The following OVCH1 variants were observed in gnomAD, a reference collection of about 807,000 sequenced individuals.
OVCH1 encodes ovochymase-1.
In OVCH1, 139 loss-of-function variants were observed where a neutral mutation model predicts 138.4. That is an observed-to-expected ratio of 1.00 (90% CI 0.87 to 1.16). OVCH1 has a LOEUF of 1.16. Among genes scored for constraint, OVCH1 ranks in the 50% most tolerant of loss-of-function variants. OVCH1 has a pLI of 0.00. For missense variants in OVCH1, 1,367 were observed against 1,357.9 expected (o/e 1.01, Z -0.11); for synonymous variants, 453 against 467.8 (o/e 0.97, Z 0.41).
At chr12:29,465,368 TAC>T (rs1942279614) in intron 16 of OVCH1, 149 bp from the exon 17 acceptor site, 2 of 689,286 alleles carry the variant, frequency 2.9e-6, no homozygotes, top group African/African-American at 3.7e-5. Flanking sequence ...TTAATTGACT[TAC>T]AATTCTGCAT....
chr12:29,489,629 G>C lies in OVCH1; in HGVS notation c.693C>G (p.Asp231Glu), dbSNP rs372417527. 3.0e-5 allele frequency: 48 copies of C among 1,605,910 alleles called. 1 individual carries two copies. The Middle Eastern group carries it at 3.0e-3, about 101-fold the overall frequency. Residue 231 changes from aspartate to glutamate, a missense_variant, in exon 6 of 28, where the codon GAC becomes GAG. Asp to Glu is a conservative substitution (Grantham distance 45, BLOSUM62 2). Transcript: ENST00000318184. ...GTTTACACTTTTGTACCTGGCAGGCGTCCATTCCCCAATCAGGGAAGCCAG... is the reference window on the plus strand; with the variant it reads ...GTTTACACTTTTGTACCTGGCAGGCCTCCATTCCCCAATCAGGGAAGCCAG...
chr12:29,478,777 C>T, intron 9 of OVCH1, 58 bp downstream of exon 10: 1 of 1,245,732 alleles, frequency 8.0e-7, no homozygotes, highest in Non-Finnish European at 1.1e-6. Flanking sequence ...CCTTTAGCAT[C>T]TCTTTGGTCT....
At chr12:29,492,983 T>C (rs1296106918) in intron 4 of OVCH1, among the ~76,000 whole-genome samples, 1 of 152,178 alleles carries the variant, frequency 6.6e-6, no homozygotes, top group Non-Finnish European at 1.5e-5. Context: ...CGAAGTTACT[T>C]TGAATTTAGC....
At chr12:29,409,448 G>A (rs2135864119), downstream of OVCH1, among the ~76,000 whole-genome samples, 1 of 151,908 alleles carries the variant, frequency 6.6e-6, no homozygotes, top group African/African-American at 2.4e-5. Context: ...GGCATTTAGT[G>A]CTATAAATTT....
At position 29,486,760 on chromosome 12, in the gene OVCH1, T is replaced by C. The variant is rs150437431; in HGVS notation, c.893-412A>G. ...AAGCATTATTTAAATAAATCACTTA[T>C]CATGTTCTGGTGTTCATTTCACTGA... is the stretch of plus-strand genomic sequence containing the variant. On this transcript the variant is annotated intron_variant, in intron 7 of 27. Coordinates refer to ENST00000318184, the Ensembl canonical transcript of OVCH1. The C allele has an allele frequency of 7.6e-4, 253 of 334,230 alleles. 1 individual carries two copies. The highest frequency in any genetic ancestry group is 4.9e-3 in the African/African-American group (225 of 46,166). The allele number at this position is 334,230 out of a possible 1,614,324, so 20.7% of individuals were successfully genotyped here. A position where few individuals can be genotyped will look rare whatever the true frequency, so the allele number is the denominator to read the frequency against.
At chr12:29,463,823 CCTT>C (rs1282760965) in intron 18 of OVCH1, among the ~76,000 whole-genome samples, 9 of 152,146 alleles carry the variant, frequency 5.9e-5, no homozygotes, top group Non-Finnish European at 1.0e-4. Flanking sequence ...ATTCCCTCCT[CCTT>C]CAAGCTCACA....
chr12:29,449,486 A>G (rs931401978), intron 22 of OVCH1, among the ~76,000 whole-genome samples: 1 of 151,928 alleles, frequency 6.6e-6, no homozygotes, highest in African/African-American at 2.4e-5. Context: ...GTTGCTTTCT[A>G]TCCATGACCA....
the OVCH1 span, among the ~76,000 whole-genome samples, chr12:29,404,712 G>C: frequency 3.3e-5 from 5 of 152,104 alleles, no homozygotes; most frequent in Non-Finnish European, 7.3e-5. Flanking sequence ...ACCTAATTCA[G>C]CTATGCAGCT....
At chr12:29,470,854 A>G (rs1024359294) in intron 16 of OVCH1, among the ~76,000 whole-genome samples, 2 of 152,110 alleles carry the variant, frequency 1.3e-5, no homozygotes, top group African/African-American at 2.4e-5. Context: ...AAGCGTTCCT[A>G]TTTCTCTACA....
chr12:29,418,771 A>C (rs1468101549), intron 3 of OVCH1, among the ~76,000 whole-genome samples: 5 of 152,242 alleles, frequency 3.3e-5, no homozygotes, highest in Non-Finnish European at 1.5e-5. Flanking sequence ...AGTATTTGTC[A>C]TAAGGGAGTG....
intron 13 of OVCH1, 39 bp downstream of exon 13, chr12:29,476,167 G>A (rs776937008): frequency 2.6e-5 from 40 of 1,524,048 alleles, no homozygotes; most frequent in Admixed American, 5.0e-5. Context: ...ACTCTGATTC[G>A]TCTAACACTT....
downstream of OVCH1, among the ~76,000 whole-genome samples, chr12:29,409,848 A>G (rs372413016): frequency 6.6e-6 from 1 of 152,098 alleles, no homozygotes; most frequent in South Asian, 2.1e-4. Context: ...GCTGAGTTCA[A>G]TTCCTGGGTA....
intron 26 of OVCH1, among the ~76,000 whole-genome samples, chr12:29,437,226 T>C (rs1315739232): frequency 6.6e-6 from 1 of 152,158 alleles, no homozygotes. Flanking sequence ...ACAGAAAAGT[T>C]CTCCAAGTCC....
rs554149051 is a variant in OVCH1 at position 29,497,576 on chromosome 12, A to G, written c.64+47T>C. On this transcript the variant is annotated intron_variant, in intron 1 of 27. Transcript: ENST00000318184. ...AGTAATGAAGTCTTCCCTCTCCAGC[A>G]CGCTCAGCCTCCTCCGCAGTCCTGG... 3 of 1,606,796 alleles carry G rather than the reference A, an allele frequency of 1.9e-6. No individual in the cohort carries two copies. The Admixed American group carries it at 5.1e-5, about 27-fold the overall frequency.
At chr12:29,433,877 CA>C (rs148996239) in intron 26 of OVCH1, 188,141 of 1,113,964 alleles carry the variant, frequency 0.17, 15,126 homozygotes, top group African/African-American at 0.42. Flanking sequence ...TTAACATGTC[CA>C]AAAAAAAAAG....
intron 3 of OVCH1, among the ~76,000 whole-genome samples, chr12:29,495,833 A>G (rs1297364870): frequency 6.6e-6 from 1 of 152,092 alleles, no homozygotes; most frequent in Non-Finnish European, 1.5e-5. Context: ...TAATTTCTGC[A>G]GTTTTTTCCC....
Position 29,451,357 on chromosome 12 carries a change from T to C in OVCH1, c.2743A>G (p.Arg915Gly), listed in dbSNP as rs367888916. The C allele has an allele frequency of 1.6e-4, 258 of 1,612,228 alleles. 2 individuals carry two copies. The highest frequency in any genetic ancestry group is 2.1e-4 in the Non-Finnish European group (248 of 1,178,966). ...CAGGAAGGATTACCTGCCGTCTTTC[T>C]CTTACTGTGTCTTTCTTCATAAATA... Residue 915 changes from arginine (R) to glycine (G), a missense_variant, in exon 22 of 28, where the codon AGA (arginine) becomes GGA (glycine). By Grantham distance (125) the Arg-to-Gly change is moderately radical. Coordinates refer to ENST00000318184, the Ensembl canonical transcript of OVCH1.
chr12:29,455,155 TTC>T (rs1188662688), intron 20 of OVCH1, 92 bp downstream of exon 20: 1 of 1,412,850 alleles, frequency 7.1e-7, no homozygotes, highest in African/African-American at 1.4e-5. Context: ...CTCTATGGTT[TTC>T]TCTTTCATGC....
chr12:29,442,800 A>G (rs1941522209), intron 25 of OVCH1, among the ~76,000 whole-genome samples: 1 of 152,014 alleles, frequency 6.6e-6, no homozygotes, highest in South Asian at 2.1e-4. Flanking sequence ...AAATATGTTA[A>G]AATGCAAATA....
Sources: gnomAD v4.1 joint callset for allele counts (sites outside exome capture counted in the v4.1 genomes callset) on GRCh38, gnomAD v4.1.1 for gene constraint, MANE v1.5 for transcripts, NCBI Gene and HGNC (gene_info 2026-07-23, HGNC 2026-07-21) for gene names.